Variants in EIF6 observed in about 807,000 individuals in gnomAD.
EIF6 encodes B4 integrin interactor.
A neutral mutation model predicts 25.5 loss-of-function variants in EIF6; 10 were observed. The ratio of observed to expected loss-of-function variants is 0.39; its 90% CI spans 0.24 to 0.66. EIF6 has a LOEUF of 0.66. EIF6 is among the 30% of genes least tolerant of loss of function. The pLI is 0.45. For missense variants in EIF6, 246 were observed against 315.4 expected (o/e 0.78, Z 1.67); for synonymous variants, 122 against 122.6 (o/e 1.00, Z 0.03).
At chr20:35,284,072 G>C in intron 3 of EIF6, 104 bp downstream of exon 3, 1 of 1,385,938 alleles carries the variant, frequency 7.2e-7, no homozygotes, top group Non-Finnish European at 9.7e-7. Flanking sequence ...AGAGATAACA[G>C]ATGATACCCT....
chr20:35,284,228 G>T lies in EIF6; in HGVS notation c.141C>A (p.Pro47=). 1 of 1,608,526 alleles carries T rather than the reference G, an allele frequency of 6.2e-7. No homozygotes were observed. The highest frequency in any genetic ancestry group is 8.5e-7 in the Non-Finnish European group (1 of 1,177,096). The change falls in exon 3 of 7, where the codon CCC becomes CCA. Residue 47 remains proline (P), a synonymous_variant. Coordinates refer to ENST00000374450, the MANE Select transcript of EIF6 (RefSeq NM_002212.4). ...VFEGELSDTI[P]VVHASIAGCR... ...AGCCGGCGATAGACGCGTGCACCAC[G>T]GGGATGGTATCGGAGAGCTCGCCCT...
intron 3 of EIF6, among the ~76,000 whole-genome samples, chr20:35,282,224 C>A (rs1420569075): frequency 6.6e-6 from 1 of 152,026 alleles, no homozygotes; most frequent in Non-Finnish European, 1.5e-5. Context: ...CTCCCGACCT[C>A]GTGATCCGCC....
At position 35,279,742 on chromosome 20, in the gene EIF6, C is replaced by A. The variant is rs1387682984; in HGVS notation, c.552G>T (p.Gly184=). ...SSLLQVPLVA[G]TVNRGSEVIA... ...TCACCTCACTGCCTCGGTTCACAGT[C>A]CCCGCCTGCCAAGGGATGGGCTCAA... is the stretch of plus-strand genomic sequence containing the variant. Residue 184 remains glycine (G), a synonymous_variant, in exon 6 of 7, where the codon GGG becomes GGT. Transcript: ENST00000374450. The A allele has an allele frequency of 1.9e-6, 3 of 1,613,960 alleles. No homozygotes were observed. The highest frequency in any genetic ancestry group is 3.3e-5 in the Admixed American group (2 of 59,996).
rs763682742 is a variant in EIF6, at chr20:35,284,374, G to T, written c.107+7C>A. 1.2e-6 allele frequency: 2 copies of T among 1,613,668 alleles called. No individual in the cohort carries two copies. The highest frequency in any genetic ancestry group is 1.7e-4 in the Middle Eastern group (1 of 6,060). The stretch of plus-strand genomic sequence containing the variant: ...CGCCACCGTAAGCCCCGGGGCTCCC[G>T]CCGCACCTGTAGAAGTTCTCTGAGC... On this transcript the variant is annotated splice_region_variant and intron_variant, in intron 2 of 6. Transcript: ENST00000374450.
Position 35,284,741 on chromosome 20 carries a change from A to G in EIF6, c.-21T>C. 1.9e-6 allele frequency: 1 copy of G among 536,348 alleles called. No homozygotes were observed. Among genetic ancestry groups the G allele is most frequent in the Non-Finnish European group, 3.3e-6 (1 of 300,938 alleles). 33.2% of individuals were successfully genotyped at this position (536,348 alleles called of 1,614,324 possible). ...ACCAGCTTACCAAGTAACCAGTAAC[A>G]AGCTCCGCACGCGGCGACTGTACCT... On this transcript the variant is annotated 5_prime_UTR_variant, in exon 1 of 7. Transcript: ENST00000374450.
intron 3 of EIF6, 48 bp downstream of exon 3, chr20:35,284,128 T>C: frequency 1.3e-6 from 2 of 1,537,622 alleles, no homozygotes; most frequent in South Asian, 1.2e-5. Flanking sequence ...GTGTAATTAA[T>C]GGTGCTTGGA....
At chr20:35,279,539 G>A in intron 6 of EIF6, 27 bp downstream of exon 6, 1 of 1,611,266 alleles carries the variant, frequency 6.2e-7, no homozygotes, top group Non-Finnish European at 8.5e-7. Context: ...CCAACCCTGA[G>A]CAGAAGAAAG....
intron 4 of EIF6, 96 bp downstream of exon 4, chr20:35,280,558 G>A (rs781756278): frequency 9.4e-5 from 137 of 1,456,404 alleles, no homozygotes; most frequent in Non-Finnish European, 1.2e-4. Context: ...AAAAACCACA[G>A]GAGAGACCCC....
chr20:35,280,736 C>G lies in EIF6; in HGVS notation c.287G>C (p.Arg96Pro), dbSNP rs745561530. The part of the protein sequence containing the change: ...NSLPDTVQIR[R>P]VEERLSALGN... Reference sequence around the variant, plus strand: ...CAAGGCTGAGAGCCGCTCCTCCACCCGCCTAATCTGCACTGTGTCTGGGAG... The same window carrying G: ...CAAGGCTGAGAGCCGCTCCTCCACCGGCCTAATCTGCACTGTGTCTGGGAG... Residue 96 changes from arginine (R) to proline (P), a missense_variant, in exon 4 of 7, where the codon CGG becomes CCG. By Grantham distance (103) the Arg-to-Pro change is moderately radical. Transcript: ENST00000374450. The G allele has an allele frequency of 6.2e-7, 1 of 1,614,046 alleles. No homozygotes were observed. Among genetic ancestry groups the G allele is most frequent in the South Asian group, 1.1e-5 (1 of 91,026 alleles).
At position 35,284,721 on chromosome 20, in the gene EIF6, C is replaced by T. The variant is rs572383102; in HGVS notation, c.-6+5G>A. ...CCCTCCCAGGTTCCCCTCACACCAG[C>T]TTACCAAGTAACCAGTAACAAGCTC... On this transcript the variant is annotated splice_donor_5th_base_variant and intron_variant, in intron 1 of 6. Transcript: ENST00000374450. The T allele has an allele frequency of 2.6e-4, 150 of 573,718 alleles. 1 individual carries two copies. The South Asian group carries it at 3.3e-3, about 12-fold the overall frequency. 35.5% of individuals were successfully genotyped at this position (573,718 alleles called of 1,614,324 possible). A position where few individuals can be genotyped will look rare whatever the true frequency, so the allele number is the denominator to read the frequency against.
At chr20:35,282,015 G>C (rs1046609915) in intron 3 of EIF6, among the ~76,000 whole-genome samples, 17 of 147,480 alleles carry the variant, frequency 1.2e-4, no homozygotes, top group African/African-American at 3.8e-4. Flanking sequence ...TTGAGACGGA[G>C]TCTTGTTCTG....
rs138460386 is a variant in EIF6, at chr20:35,279,178, G to T, written c.*19C>A. 1.2e-3 allele frequency: 1,922 copies of T among 1,613,976 alleles called. 6 individuals carry two copies. Among genetic ancestry groups the T allele is most frequent in the Non-Finnish European group, 1.3e-3 (1,492 of 1,179,930 alleles). On this transcript the variant is annotated 3_prime_UTR_variant, in exon 7 of 7. Transcript: ENST00000374450. ...CACAGTCCAGAGCCAGGAGCCCATGGAACAACTTGGAAGGTGACTCAGGTG... is the reference window on the plus strand; with the variant it reads ...CACAGTCCAGAGCCAGGAGCCCATGTAACAACTTGGAAGGTGACTCAGGTG...
At position 35,280,683 on chromosome 20, in the gene EIF6, C is replaced by T. The variant is rs752778705; in HGVS notation, c.340G>A (p.Val114Met). Residue 114 changes from valine (V) to methionine (M), a missense_variant, in exon 4 of 7, where the codon GTG (valine) becomes ATG (methionine). Physicochemically the swap from Val to Met is conservative, Grantham distance 21. Coordinates refer to ENST00000374450, the MANE Select transcript of EIF6 (RefSeq NM_002212.4). ...TCCAAGTCTGGGTGGACCAAGGCCA[C>T]GTAGTCATTGCAGGTGGTGACATTG... The part of the protein sequence containing the change: ...LGNVTTCNDY[V>M]ALVHPDLDRE... 71 of 1,613,694 alleles carry T rather than the reference C, an allele frequency of 4.4e-5. No individual in the cohort carries two copies. Among genetic ancestry groups the T allele is most frequent in the Middle Eastern group, 3.3e-4 (2 of 6,060 alleles).
rs1244315155 is a variant in EIF6 at position 35,284,568 on chromosome 20, C to G, written c.-5-76G>C. The G allele has an allele frequency of 8.0e-6, 12 of 1,503,490 alleles. No individual in the cohort carries two copies. The Middle Eastern group carries it at 6.1e-4, about 77-fold the overall frequency. The allele number at this position is 1,503,490 out of a possible 1,614,324, so 93.1% of individuals were successfully genotyped here. On this transcript the variant is annotated intron_variant, in intron 1 of 6. Coordinates refer to ENST00000374450, the MANE Select transcript of EIF6 (RefSeq NM_002212.4). ...ATCCCGGCCTCCGTCCCTCAGGCCCCGCCGCGACCCCGCCCCTCTCGGCCT... is the reference window on the plus strand; with the variant it reads ...ATCCCGGCCTCCGTCCCTCAGGCCCGGCCGCGACCCCGCCCCTCTCGGCCT...
At chr20:35,281,498 C>T (rs6119595) in intron 3 of EIF6, among the ~76,000 whole-genome samples, 52,829 of 151,482 alleles carry the variant, frequency 0.35, 12,561 homozygotes, top group African/African-American at 0.68. Context: ...CAGGCTGGAG[C>T]GCAGTGGTGC....
At chr20:35,281,634 T>TG (rs1483371014) in intron 3 of EIF6, among the ~76,000 whole-genome samples, 1 of 151,474 alleles carries the variant, frequency 6.6e-6, no homozygotes, top group Admixed American at 6.6e-5. Context: ...TTTGTAGAGA[T>TG]GGGGTCTCAC....
chr20:35,281,185 G>T (rs980712664), intron 3 of EIF6, among the ~76,000 whole-genome samples: 1 of 152,068 alleles, frequency 6.6e-6, no homozygotes, highest in African/African-American at 2.4e-5. Context: ...TCGAGATCGA[G>T]ATCATCCTGG....
Position 35,283,466 on chromosome 20 carries a change from G to A in EIF6, c.193+710C>T, listed in dbSNP as rs374801114. Among the ~76,000 whole-genome samples, 7 of 152,302 alleles carry A rather than the reference G, an allele frequency of 4.6e-5. No homozygotes were observed. In the East Asian group the frequency reaches 1.4e-3, roughly 29 times the overall value. On this transcript the variant is annotated intron_variant, in intron 3 of 6. Coordinates refer to ENST00000374450, the MANE Select transcript of EIF6 (RefSeq NM_002212.4). ...AGAGACAGAAATGGATGCTTAGAAA[G>A]AGAAAGCACCTTGCCCAGTCAGTGG...
At position 35,284,363 on chromosome 20, in the gene EIF6, C is replaced by A. The variant is rs8114680; in HGVS notation, c.107+18G>T. ...GCACGCCTCCCCGCCACCGTAAGCC[C>A]CGGGGCTCCCGCCGCACCTGTAGAA... On this transcript the variant is annotated intron_variant, in intron 2 of 6. Transcript: ENST00000374450. 15 of 1,613,604 alleles carry A rather than the reference C, an allele frequency of 9.3e-6. No individual in the cohort carries two copies. In the African/African-American group the frequency reaches 1.1e-4, roughly 11 times the overall value.
Sources: allele counts gnomAD v4.1 joint callset (sites outside exome capture counted in the v4.1 genomes callset), GRCh38; gene constraint gnomAD v4.1.1; transcripts MANE v1.5; gene names NCBI Gene and HGNC (gene_info 2026-07-23, HGNC 2026-07-21).